SAV1: variants seen among roughly 807,000 people sequenced by gnomAD.
SAV1 encodes salvador family WW domain containing protein 1, also known as protein salvador homolog 1.
SAV1 carries 23 observed loss-of-function variants against 47.3 expected under a neutral mutation model. That is an observed-to-expected ratio of 0.49 (90% CI 0.35 to 0.69). SAV1 has a LOEUF of 0.69. SAV1 is among the 30% of genes least tolerant of loss of function. SAV1 has a pLI of 0.01. For synonymous variants in SAV1, 155 were observed against 159.2 expected (o/e 0.97, Z 0.20); for missense variants, 448 against 457.4 (o/e 0.98, Z 0.19).
At chr14:50,667,829 C>A in intron 1 of SAV1, 45 bp downstream of exon 1, 2 of 1,569,246 alleles carry the variant, frequency 1.3e-6, no homozygotes, top group Non-Finnish European at 1.7e-6. Flanking sequence ...CCCGGAGCAC[C>A]TGGCCGCCTG....
chr14:50,656,444 T>A (rs938572325), intron 2 of SAV1, among the ~76,000 whole-genome samples: 6 of 149,722 alleles, frequency 4.0e-5, no homozygotes, highest in Non-Finnish European at 8.9e-5. Flanking sequence ...AACTGTATTT[T>A]TTTTTTTTTT....
Position 50,634,108 on chromosome 14 carries a change from T to TA in SAV1, c.*1074dup, listed in dbSNP as rs2039610993. ...CTTAACCCAGTCTGTCAGAAGGCAG[T>TA]ATGCTATGCTGTCAGGAACTCTCCA... On this transcript the variant is annotated 3_prime_UTR_variant, in exon 5 of 5. Transcript: ENST00000324679. The TA allele has an allele frequency of 6.8e-6, 3 of 440,866 alleles. No individual in the cohort carries two copies. Among genetic ancestry groups the TA allele is most frequent in the South Asian group, 4.9e-5 (3 of 61,834 alleles). 27.3% of individuals were successfully genotyped at this position (440,866 alleles called of 1,614,324 possible).
intron 1 of SAV1, 40 bp downstream of exon 1, chr14:50,667,834 C>G (rs748432736): frequency 6.1e-5 from 96 of 1,578,208 alleles, no homozygotes; most frequent in Non-Finnish European, 8.1e-5. Context: ...AGCACCTGGC[C>G]GCCTGGGCCA....
chr14:50,635,733 CAG>C (rs1488096080), intron 4 of SAV1, among the ~76,000 whole-genome samples: 2 of 152,262 alleles, frequency 1.3e-5, no homozygotes, highest in East Asian at 3.9e-4. Flanking sequence ...TTTTTTGAGA[CAG>C]AGTCTTGCTA....
intron 3 of SAV1, among the ~76,000 whole-genome samples, chr14:50,643,488 G>A (rs2039697284): frequency 6.6e-6 from 1 of 152,130 alleles, no homozygotes; most frequent in African/African-American, 2.4e-5. Context: ...AGAACAACAT[G>A]GGGGAAATGG....
intron 1 of SAV1, among the ~76,000 whole-genome samples, chr14:50,666,010 TTTG>T (rs1183794518): frequency 2.0e-5 from 3 of 152,228 alleles, no homozygotes; most frequent in Non-Finnish European, 4.4e-5. Flanking sequence ...AGTAGTTTAT[TTTG>T]TTGTTCTCAC....
At chr14:50,660,497 T>C (rs2039849555) in intron 2 of SAV1, among the ~76,000 whole-genome samples, 1 of 152,238 alleles carries the variant, frequency 6.6e-6, no homozygotes, top group East Asian at 1.9e-4. Context: ...TTTGGATACA[T>C]AATTATTTGC....
At position 50,634,658 on chromosome 14, in the gene SAV1, T is replaced by C. The variant is rs1252325565; in HGVS notation, c.*525A>G. The stretch of plus-strand genomic sequence containing the variant: ...GAGCCACCACGCCCAGCTGGGTTCC[T>C]TACTTTGGAGAGGGGAGACAAACAT... On this transcript the variant is annotated 3_prime_UTR_variant, in exon 5 of 5. Transcript: ENST00000324679. 6.3e-6 allele frequency: 1 copy of C among 157,900 alleles called. No homozygotes were observed. The highest frequency in any genetic ancestry group is 1.9e-4 in the East Asian group (1 of 5,348). The allele number at this position is 157,900 out of a possible 1,614,324, so 9.8% of individuals were successfully genotyped here.
chr14:50,665,214 T>C lies in SAV1; in HGVS notation c.500A>G (p.Gln167Arg), dbSNP rs773554041. 4.4e-6 allele frequency: 7 copies of C among 1,593,002 alleles called. No individual in the cohort carries two copies. In the South Asian group the frequency reaches 8.1e-5, roughly 18 times the overall value. Residue 167 changes from glutamine to arginine, a missense_variant, in exon 2 of 5, where the codon CAA becomes CGA. Transcript: ENST00000324679. ...RYYEYNHDLF[Q>R]RMPQNQGRHA... is the part of the protein sequence containing the mutation. Reference sequence around the variant, plus strand: ...CCTCCCCTGATTCTGTGGCATTCTTTGGAAGAGATCATGGTTGTATTCATA... The same window carrying C: ...CCTCCCCTGATTCTGTGGCATTCTTCGGAAGAGATCATGGTTGTATTCATA...
intron 4 of SAV1, among the ~76,000 whole-genome samples, chr14:50,637,492 T>A (rs1347687955): frequency 6.6e-6 from 1 of 152,144 alleles, no homozygotes; most frequent in Admixed American, 6.5e-5. Context: ...TTATACCAGG[T>A]GAACTACAAC....
intron 2 of SAV1, among the ~76,000 whole-genome samples, chr14:50,647,342 T>C (rs1041458925): frequency 1.5e-4 from 23 of 152,112 alleles, no homozygotes; most frequent in African/African-American, 5.3e-4. Context: ...ATCACATTAT[T>C]AGCCAAAGAA....
chr14:50,657,669 A>C (rs992183447), intron 2 of SAV1, among the ~76,000 whole-genome samples: 3 of 152,256 alleles, frequency 2.0e-5, no homozygotes, highest in African/African-American at 7.2e-5. Context: ...GAACAAAATT[A>C]CCTTTCTGTA....
intron 2 of SAV1, among the ~76,000 whole-genome samples, chr14:50,649,035 T>A (rs1224797697): frequency 6.6e-6 from 1 of 152,124 alleles, no homozygotes; most frequent in Non-Finnish European, 1.5e-5. Flanking sequence ...TGCTATTTTT[T>A]TTACCCTTAG....
chr14:50,666,226 A>C (rs919204888), intron 1 of SAV1, among the ~76,000 whole-genome samples: 3 of 152,218 alleles, frequency 2.0e-5, no homozygotes, highest in African/African-American at 7.2e-5. Context: ...ATTGAAAATA[A>C]AAAGCTCTCA....
At chr14:50,644,036 AC>A (rs879629272) in intron 3 of SAV1, among the ~76,000 whole-genome samples, 9 of 152,236 alleles carry the variant, frequency 5.9e-5, no homozygotes, top group Non-Finnish European at 8.8e-5. Flanking sequence ...AATATTTGCA[AC>A]TTCATTACTA....
At chr14:50,667,722 T>C (rs1228830173) in intron 1 of SAV1, 152 bp downstream of exon 1, 1 of 626,054 alleles carries the variant, frequency 1.6e-6, no homozygotes, top group South Asian at 1.9e-5. Flanking sequence ...AATCAACGAA[T>C]ACCACTTCAG....
intron 3 of SAV1, 72 bp downstream of exon 3, chr14:50,644,672 G>T (rs149219907): frequency 1.4e-6 from 2 of 1,385,940 alleles, no homozygotes; most frequent in African/African-American, 1.4e-5. Context: ...TCTCTTAGAT[G>T]AAAATATCAG....
intron 2 of SAV1, chr14:50,662,819 CAT>C (rs752284360): frequency 6.6e-6 from 1 of 152,210 alleles, no homozygotes; most frequent in Non-Finnish European, 1.5e-5. Context: ...TAACAGTAAA[CAT>C]AGCTATTTCT....
Position 50,641,454 on chromosome 14 carries a change from T to G in SAV1, c.807-561A>C, listed in dbSNP as rs78962567. ...GTGTATGCTGTGGGGAGTGGAGATA[T>G]TATATGGGAAAGTGTAAGGAAAGCA... On this transcript the variant is annotated intron_variant, in intron 3 of 4. Coordinates refer to ENST00000324679, the MANE Select transcript of SAV1 (RefSeq NM_021818.4). Among the ~76,000 whole-genome samples, 898 of 151,592 alleles carry G rather than the reference T, an allele frequency of 5.9e-3. 15 individuals carry two copies. The highest frequency in any genetic ancestry group is 0.021 in the African/African-American group (858 of 41,264).
Sources: allele counts gnomAD v4.1 joint callset (sites outside exome capture counted in the v4.1 genomes callset), GRCh38; gene constraint gnomAD v4.1.1; transcripts MANE v1.5; gene names NCBI Gene and HGNC (gene_info 2026-07-23, HGNC 2026-07-21).